TTC23: variants seen among roughly 807,000 people sequenced by gnomAD.
TTC23 encodes tetratricopeptide repeat protein 23.
A neutral mutation model predicts 55.1 loss-of-function variants in TTC23; 58 were observed. The observed-to-expected ratio is 1.05, with a 90% CI of 0.85 to 1.31. The LOEUF (loss-of-function observed/expected upper bound fraction) is 1.31. Among genes scored for constraint, TTC23 ranks in the 50% most tolerant of loss-of-function variants. The pLI is 0.00. For synonymous variants in TTC23, 203 were observed against 199.9 expected (o/e 1.02, Z -0.13); for missense variants, 516 against 534.4 (o/e 0.97, Z 0.34).
intron 8 of TTC23, among the ~76,000 whole-genome samples, chr15:99,203,305 T>G (rs2076344017): frequency 6.6e-6 from 1 of 152,104 alleles, no homozygotes; most frequent in Admixed American, 6.6e-5. Context: ...CCAAGTGGAT[T>G]AGAGGACAAA....
intron 10 of TTC23, among the ~76,000 whole-genome samples, chr15:99,166,745 G>C (rs2151909472): frequency 6.6e-6 from 1 of 152,178 alleles, no homozygotes; most frequent in Admixed American, 6.5e-5. Flanking sequence ...TTTTGTTCCT[G>C]GTAGGTCTCT....
chr15:99,148,035 T>C (rs994225166), intron 12 of TTC23, among the ~76,000 whole-genome samples: 11 of 152,060 alleles, frequency 7.2e-5, no homozygotes, highest in Admixed American at 2.0e-4. Flanking sequence ...AGGGACTCAA[T>C]AGCCTATTCT....
chr15:99,189,501 T>G (rs993423724), intron 9 of TTC23, among the ~76,000 whole-genome samples: 1 of 151,998 alleles, frequency 6.6e-6, no homozygotes, highest in African/African-American at 2.4e-5. Context: ...GTGAAGAAAC[T>G]GTACACCACC....
intron 12 of TTC23, among the ~76,000 whole-genome samples, chr15:99,145,741 C>G (rs1273965840): frequency 6.6e-6 from 1 of 152,128 alleles, no homozygotes; most frequent in African/African-American, 2.4e-5. Flanking sequence ...CTGCAGCTCC[C>G]TTACTTGAAG....
chr15:99,152,568 CGCCA>C (rs2069949640), intron 12 of TTC23, among the ~76,000 whole-genome samples: 3 of 152,050 alleles, frequency 2.0e-5, no homozygotes, highest in Admixed American at 2.0e-4. Flanking sequence ...GACGGGGTTT[CGCCA>C]TGTTGGCCAG....
chr15:99,162,776 G>A lies in TTC23; in HGVS notation c.866-909C>T, dbSNP rs2071545011. ...TGAGCTTATGTTATAGGGTACAGCT[G>A]ACTTGAAGAAAACGAGATTATGGCC... is the stretch of plus-strand genomic sequence containing the variant. On this transcript the variant is annotated intron_variant, in intron 10 of 13. Coordinates refer to ENST00000394132, the MANE Select transcript of TTC23 (RefSeq NM_001288615.3). Among the ~76,000 whole-genome samples, 3 of 152,102 alleles carry A rather than the reference G, an allele frequency of 2.0e-5. No homozygotes were observed. In the South Asian group the frequency reaches 6.2e-4, roughly 32 times the overall value.
intron 11 of TTC23, 147 bp from the exon 12 acceptor site, chr15:99,156,444 T>C (rs2070586491): frequency 1.1e-6 from 1 of 945,018 alleles, no homozygotes; most frequent in Non-Finnish European, 1.6e-6. Flanking sequence ...CATGCTGCTA[T>C]GAAGAGATAC....
intron 4 of TTC23, among the ~76,000 whole-genome samples, 180 bp from the exon 5 acceptor site, chr15:99,228,912 C>A (rs748666437): frequency 2.0e-5 from 3 of 147,066 alleles, no homozygotes; most frequent in Non-Finnish European, 3.0e-5. Flanking sequence ...AACCTTCTTT[C>A]TTTATGTATA....
chr15:99,220,556 G>C (rs2152049681), intron 6 of TTC23, among the ~76,000 whole-genome samples: 1 of 152,302 alleles, frequency 6.6e-6, no homozygotes, highest in Middle Eastern at 3.4e-3. Context: ...TGGGAGGGCA[G>C]AGTTTAAATT....
chr15:99,149,737 C>T (rs2069448029), intron 12 of TTC23, among the ~76,000 whole-genome samples: 1 of 152,244 alleles, frequency 6.6e-6, no homozygotes, highest in African/African-American at 2.4e-5. Context: ...TTTAACAGAG[C>T]TATGCAGGTC....
intron 9 of TTC23, among the ~76,000 whole-genome samples, chr15:99,176,874 T>C (rs12440982): frequency 0.094 from 14,243 of 152,244 alleles, 1,028 homozygotes; most frequent in East Asian, 0.29. Flanking sequence ...CTGCTATCTC[T>C]ATCATGTCCT....
At chr15:99,196,379 T>C (rs996741989) in intron 9 of TTC23, among the ~76,000 whole-genome samples, 6 of 152,226 alleles carry the variant, frequency 3.9e-5, no homozygotes, top group African/African-American at 1.4e-4. Flanking sequence ...TTCCTCCTAC[T>C]AGTTTAATTT....
intron 2 of TTC23, among the ~76,000 whole-genome samples, chr15:99,242,860 A>G (rs1420524905): frequency 6.6e-6 from 1 of 152,226 alleles, no homozygotes; most frequent in Non-Finnish European, 1.5e-5. Flanking sequence ...AAAGTGGATT[A>G]AAGACTTAAA....
chr15:99,184,285 C>T (rs2074452901), intron 9 of TTC23, among the ~76,000 whole-genome samples: 1 of 152,148 alleles, frequency 6.6e-6, no homozygotes, highest in African/African-American at 2.4e-5. Flanking sequence ...CCACGGTCCT[C>T]CAGACCCCAG....
chr15:99,244,500 G>C (rs1330460729), intron 2 of TTC23, among the ~76,000 whole-genome samples: 2 of 152,028 alleles, frequency 1.3e-5, no homozygotes, highest in East Asian at 1.9e-4. Flanking sequence ...TTATATGTCA[G>C]CAATAAATAA....
At chr15:99,172,368 C>G (rs973742716) in intron 10 of TTC23, among the ~76,000 whole-genome samples, 3 of 152,198 alleles carry the variant, frequency 2.0e-5, no homozygotes, top group Non-Finnish European at 4.4e-5. Flanking sequence ...CAGGTTGGAG[C>G]TGAGATTCTC....
intron 9 of TTC23, among the ~76,000 whole-genome samples, chr15:99,186,315 C>T (rs1339390024): frequency 1.3e-5 from 2 of 152,146 alleles, no homozygotes; most frequent in African/African-American, 2.4e-5. Flanking sequence ...ATAGTCTGAA[C>T]TCCAACCCAG....
chr15:99,246,646 C>T (rs963349332), intron 1 of TTC23, among the ~76,000 whole-genome samples: 4 of 151,866 alleles, frequency 2.6e-5, no homozygotes, highest in East Asian at 1.9e-4. Context: ...CATGGGCTGG[C>T]GCGATGGCTC....
chr15:99,177,559 CA>C (rs1216897352), intron 9 of TTC23, among the ~76,000 whole-genome samples: 1 of 152,132 alleles, frequency 6.6e-6, no homozygotes, highest in African/African-American at 2.4e-5. Context: ...ATACCAAATG[CA>C]AATTGAGCCA....
Sources: gnomAD v4.1 joint callset for allele counts (sites outside exome capture counted in the v4.1 genomes callset) on GRCh38, gnomAD v4.1.1 for gene constraint, MANE v1.5 for transcripts, NCBI Gene and HGNC (gene_info 2026-07-23, HGNC 2026-07-21) for gene names.